Variants in TMEM209 observed in about 807,000 individuals in gnomAD.
TMEM209 encodes the protein testicular tissue protein Li 202.
In TMEM209, 65 loss-of-function variants were observed where a neutral mutation model predicts 76.2. That is an observed-to-expected ratio of 0.85 (90% CI 0.70 to 1.05). TMEM209 has a LOEUF of 1.05. Ranked by LOEUF, TMEM209 falls within the 50% of genes least tolerant of loss-of-function variation. The probability of loss-of-function intolerance (pLI) is 0.00; values close to 1 mark genes in which losing one functional copy is unlikely to be tolerated. For missense variants in TMEM209, 623 were observed against 685.5 expected (o/e 0.91, Z 1.02); for synonymous variants, 239 against 237.6 (o/e 1.01, Z -0.06).
At position 130,201,239 on chromosome 7, in the gene TMEM209, CTT is replaced by C. The variant is rs1238097572; in HGVS notation, c.573+609_573+610del. On this transcript the variant is annotated intron_variant, in intron 5 of 14. Transcript: ENST00000397622. Reference sequence around the variant, plus strand: ...AGCGACAGCATCTGAAATGACCACTCTTCTTTCAACGCCCCCTTATATTAATA... The same window carrying C: ...AGCGACAGCATCTGAAATGACCACTCCTTTCAACGCCCCCTTATATTAATA... 9.2e-5 allele frequency among the ~76,000 whole-genome samples: 14 copies of C among 151,988 alleles called. No homozygotes were observed. In the East Asian group the frequency reaches 2.3e-3, roughly 25 times the overall value.
intron 6 of TMEM209, among the ~76,000 whole-genome samples, chr7:130,186,622 T>C (rs528808113): frequency 2.0e-5 from 3 of 152,366 alleles, no homozygotes; most frequent in Admixed American, 6.5e-5. Flanking sequence ...AAGTTTTCTA[T>C]GAAAAAACTT....
At chr7:130,166,642 G>T (rs1176208685) in intron 14 of TMEM209, 137 bp from the exon 15 acceptor site, 16 of 506,908 alleles carry the variant, frequency 3.2e-5, no homozygotes, top group Non-Finnish European at 3.9e-5. Context: ...TGTTATACAT[G>T]GTTTATCAGG....
rs1168235171 is a variant in TMEM209 at position 130,202,654 on chromosome 7, A to C, written c.209T>G (p.Leu70Arg). Residue 70 changes from leucine to arginine, a missense_variant, in exon 4 of 15, where the codon CTT (leucine) becomes CGT (arginine). By Grantham distance (102) the Leu-to-Arg change is moderately radical (BLOSUM62 -2). Coordinates refer to ENST00000397622, the MANE Select transcript of TMEM209 (RefSeq NM_032842.4). ...GGCATTAAGGCTGAAGAGAGATGCA[A>C]GGGCAAGCTCTGGAAGAGAACAATT... ...YWPLWYIELA[L>R]ASLFSLNALF... 6.2e-7 allele frequency: 1 copy of C among 1,613,246 alleles called. No individual in the cohort carries two copies.
chr7:130,175,736 A>C, intron 10 of TMEM209, 127 bp from the exon 11 acceptor site: 1 of 678,950 alleles, frequency 1.5e-6, no homozygotes, highest in South Asian at 2.1e-5. Context: ...CCAAACCTAA[A>C]GAAATAAAAG....
intron 6 of TMEM209, among the ~76,000 whole-genome samples, chr7:130,188,835 G>A (rs1449330841): frequency 1.3e-5 from 2 of 152,104 alleles, no homozygotes; most frequent in Non-Finnish European, 2.9e-5. Context: ...GTGATACACT[G>A]AAAAGGACAT....
chr7:130,205,040 T>G, intron 1 of TMEM209: 1 of 1,278,316 alleles, frequency 7.8e-7, no homozygotes, highest in Non-Finnish European at 1.0e-6. Context: ...CATTTGGGAT[T>G]TATAATTCCT....
rs183584622 is a variant in TMEM209, at chr7:130,178,864, C to T, written c.1121-337G>A. The stretch of plus-strand genomic sequence containing the variant: ...AATCACCACTCACTGCAGCCTCAAT[C>T]GAATGGGCTCAAGCAATCCTCCTCC... On this transcript the variant is annotated intron_variant, in intron 9 of 14. Coordinates refer to ENST00000397622, the MANE Select transcript of TMEM209 (RefSeq NM_032842.4). Among the ~76,000 whole-genome samples the T allele has an allele frequency of 1.6e-4, 24 of 152,248 alleles. 1 individual carries two copies. The highest frequency in any genetic ancestry group is 1.5e-3 in the Admixed American group (23 of 15,290).
chr7:130,179,698 A>G (rs955752963), intron 9 of TMEM209, among the ~76,000 whole-genome samples: 1 of 152,212 alleles, frequency 6.6e-6, no homozygotes, highest in Admixed American at 6.6e-5. Flanking sequence ...AAATATATCC[A>G]GATGCATTGG....
intron 8 of TMEM209, chr7:130,181,944 C>G (rs1797436163): frequency 2.6e-6 from 1 of 384,302 alleles, no homozygotes; most frequent in South Asian, 3.0e-5. Context: ...AACTTACATT[C>G]CTTTTTTTTT....
chr7:130,200,162 T>C (rs1387767678), intron 5 of TMEM209, among the ~76,000 whole-genome samples: 1 of 151,850 alleles, frequency 6.6e-6, no homozygotes, highest in African/African-American at 2.4e-5. Flanking sequence ...TATATATATA[T>C]ATATTAAACT....
At chr7:130,178,770 TTTC>T (rs1222684716) in intron 9 of TMEM209, among the ~76,000 whole-genome samples, 1 of 152,072 alleles carries the variant, frequency 6.6e-6, no homozygotes, top group Non-Finnish European at 1.5e-5. Context: ...ATGTACTTTT[TTTC>T]TTCTTCTCTT....
Position 130,203,775 on chromosome 7 carries a change from ATTAC to A in TMEM209, c.199+9_199+12del, listed in dbSNP as rs916718301. On this transcript the variant is annotated intron_variant, in intron 3 of 14. Coordinates refer to ENST00000397622, the MANE Select transcript of TMEM209 (RefSeq NM_032842.4). ...TTGGTAAATGTAAGTTACAGTGAAA[ATTAC>A]TTACTTACCAATATACCAGAGGGGC... is the stretch of plus-strand genomic sequence containing the variant. The A allele has an allele frequency of 3.1e-6, 5 of 1,592,010 alleles. No homozygotes were observed. The African/African-American group carries it at 4.0e-5, about 13-fold the overall frequency.
intron 5 of TMEM209, 172 bp downstream of exon 5, chr7:130,201,678 A>G: frequency 1.2e-6 from 1 of 819,004 alleles, no homozygotes; most frequent in Non-Finnish European, 1.8e-6. Context: ...TTTCTCTTTC[A>G]TTTTAAGATG....
chr7:130,200,433 G>A (rs117893552), intron 5 of TMEM209, among the ~76,000 whole-genome samples: 2,242 of 152,126 alleles, frequency 0.015, 28 homozygotes, highest in South Asian at 0.026. Context: ...CTTTTGGATC[G>A]ACACTCCCAT....
intron 5 of TMEM209, among the ~76,000 whole-genome samples, chr7:130,194,267 G>C (rs1193410739): frequency 6.6e-6 from 1 of 150,548 alleles, no homozygotes; most frequent in African/African-American, 2.4e-5. Context: ...ATGCATGTTA[G>C]GACAGGGGAT....
chr7:130,169,073 C>CCAAAAATA (rs1423244917), intron 14 of TMEM209, among the ~76,000 whole-genome samples: 26 of 151,502 alleles, frequency 1.7e-4, no homozygotes, highest in African/African-American at 5.8e-4. Flanking sequence ...CCCGTCTCTA[C>CCAAAAATA]CAAAAATACC....
At chr7:130,173,158 T>C (rs748553492) in intron 13 of TMEM209, among the ~76,000 whole-genome samples, 7 of 151,764 alleles carry the variant, frequency 4.6e-5, no homozygotes, top group Admixed American at 1.3e-4. Context: ...CCAGCCTGAG[T>C]AACATGGAGA....
Position 130,165,556 on chromosome 7 carries a change from T to C in TMEM209, c.*895A>G, listed in dbSNP as rs1796854187. 6.6e-6 allele frequency: 1 copy of C among 152,114 alleles called. No homozygotes were observed. The highest frequency in any genetic ancestry group is 2.4e-5 in the African/African-American group (1 of 41,424). 9.4% of individuals were successfully genotyped at this position (152,114 alleles called of 1,614,324 possible). A position where few individuals can be genotyped will look rare whatever the true frequency, so the allele number is the denominator to read the frequency against. On this transcript the variant is annotated 3_prime_UTR_variant, in exon 15 of 15. Transcript: ENST00000397622. ...AACTACCAGCTAAATTTAATCTAAG[T>C]GTTGACTTTTTAAATGTCAATACTT...
At chr7:130,181,521 C>T (rs1797412159) in intron 9 of TMEM209, 102 bp downstream of exon 9, 2 of 946,336 alleles carry the variant, frequency 2.1e-6, no homozygotes, top group Non-Finnish European at 1.6e-6. Context: ...TGGGGTTTTT[C>T]ACCCCAAGGT....
Sources: gnomAD v4.1 joint callset for allele counts (sites outside exome capture counted in the v4.1 genomes callset) on GRCh38, gnomAD v4.1.1 for gene constraint, MANE v1.5 for transcripts, NCBI Gene and HGNC (gene_info 2026-07-23, HGNC 2026-07-21) for gene names.